HS6ST3: variants seen among roughly 807,000 people sequenced by gnomAD.
HS6ST3 encodes heparan sulfate 6-O-sulfotransferase 3.
Under a neutral mutation model 36.7 loss-of-function variants are expected in HS6ST3, and 12 were observed. The ratio of observed to expected loss-of-function variants is 0.33; its 90% CI spans 0.21 to 0.53. The LOEUF (loss-of-function observed/expected upper bound fraction) is 0.53. Among genes scored for constraint, HS6ST3 ranks in the 20% least tolerant of loss-of-function variants. HS6ST3 has a pLI of 0.95. For missense variants in HS6ST3, 584 were observed against 640.9 expected (o/e 0.91, Z 0.96); for synonymous variants, 240 against 257.5 (o/e 0.93, Z 0.65).
At chr13:96,520,671 G>A (rs1594798922) in intron 1 of HS6ST3, among the ~76,000 whole-genome samples, 1 of 152,344 alleles carries the variant, frequency 6.6e-6, no homozygotes, top group East Asian at 1.9e-4. Context: ...GTATAGGAAT[G>A]CTTGTGATTT....
intron 1 of HS6ST3, among the ~76,000 whole-genome samples, chr13:96,695,489 A>G (rs910668809): frequency 2.0e-5 from 3 of 152,086 alleles, no homozygotes; most frequent in African/African-American, 7.2e-5. Context: ...GTGCAGTGGC[A>G]TAATCATGAC....
At chr13:96,414,009 A>G (rs1481165464) in intron 1 of HS6ST3, among the ~76,000 whole-genome samples, 1 of 152,246 alleles carries the variant, frequency 6.6e-6, no homozygotes, top group Non-Finnish European at 1.5e-5. Flanking sequence ...ACTGGACAAT[A>G]GCCAAATTCC....
intron 1 of HS6ST3, among the ~76,000 whole-genome samples, chr13:96,192,869 C>T (rs180716765): frequency 1.3e-5 from 2 of 152,094 alleles, no homozygotes; most frequent in East Asian, 1.9e-4. Flanking sequence ...TGAGTATAAA[C>T]TTGGGAAAAA....
chr13:96,260,975 C>T (rs77890204), intron 1 of HS6ST3, among the ~76,000 whole-genome samples: 6 of 152,090 alleles, frequency 3.9e-5, no homozygotes, highest in African/African-American at 1.2e-4. Context: ...TTGCCTCTAA[C>T]GTTAACCCCC....
At chr13:96,635,920 T>C (rs1261712400) in intron 1 of HS6ST3, among the ~76,000 whole-genome samples, 1 of 152,104 alleles carries the variant, frequency 6.6e-6, no homozygotes, top group Non-Finnish European at 1.5e-5. Flanking sequence ...ACTCAGCCTA[T>C]GGGAATAAAG....
chr13:96,169,400 G>A (rs188879426), intron 1 of HS6ST3: 2 of 152,436 alleles, frequency 1.3e-5, no homozygotes, highest in Non-Finnish European at 2.9e-5. Context: ...ATAGAGTTAC[G>A]AGGCATAGAA....
intron 1 of HS6ST3, among the ~76,000 whole-genome samples, chr13:96,423,664 G>A (rs2055572054): frequency 6.6e-6 from 1 of 151,948 alleles, no homozygotes; most frequent in South Asian, 2.1e-4. Context: ...TTGAGAACCA[G>A]CCAGGAGGCC....
rs2054077743 is a variant in HS6ST3 at position 96,150,072 on chromosome 13, G to A, written c.707+58503G>A. Among the ~76,000 whole-genome samples, 6 of 152,264 alleles carry A rather than the reference G, an allele frequency of 3.9e-5. No individual in the cohort carries two copies. In the South Asian group the frequency reaches 1.2e-3, roughly 32 times the overall value. On this transcript the variant is annotated intron_variant, in intron 1 of 1. Coordinates refer to ENST00000376705, the MANE Select transcript of HS6ST3 (RefSeq NM_153456.4). Reference sequence around the variant, plus strand: ...TTGTTCCTGCCATCCGCAGCTTGGCGAGTTCCAGGTTCTTGTCCCACAACA... The same window carrying A: ...TTGTTCCTGCCATCCGCAGCTTGGCAAGTTCCAGGTTCTTGTCCCACAACA...
At chr13:96,454,200 G>A (rs1426571910) in intron 1 of HS6ST3, among the ~76,000 whole-genome samples, 1 of 152,092 alleles carries the variant, frequency 6.6e-6, no homozygotes, top group African/African-American at 2.4e-5. Context: ...TAAGGGTCTG[G>A]AATTTAGGGC....
intron 1 of HS6ST3, among the ~76,000 whole-genome samples, chr13:96,437,682 G>T (rs1423800307): frequency 6.6e-6 from 1 of 152,200 alleles, no homozygotes; most frequent in Non-Finnish European, 1.5e-5. Flanking sequence ...GAATACAAAG[G>T]TAGATTATTA....
intron 1 of HS6ST3, among the ~76,000 whole-genome samples, chr13:96,745,777 C>G (rs1876547078): frequency 6.6e-6 from 1 of 152,066 alleles, no homozygotes; most frequent in Non-Finnish European, 1.5e-5. Context: ...CTAGAGCTTT[C>G]TGCTTTGATT....
At chr13:96,370,060 A>G (rs1186534320) in intron 1 of HS6ST3, among the ~76,000 whole-genome samples, 1 of 152,116 alleles carries the variant, frequency 6.6e-6, no homozygotes, top group Non-Finnish European at 1.5e-5. Flanking sequence ...AATGATTTGT[A>G]ACCCTGGCTG....
chr13:96,274,175 A>G (rs1053178366), intron 1 of HS6ST3, among the ~76,000 whole-genome samples: 1 of 151,578 alleles, frequency 6.6e-6, no homozygotes, highest in East Asian at 1.9e-4. Context: ...GCACAGTGGT[A>G]TAAAATATGG....
chr13:96,249,905 A>G (rs547111262), intron 1 of HS6ST3, among the ~76,000 whole-genome samples: 39 of 152,196 alleles, frequency 2.6e-4, no homozygotes, highest in African/African-American at 8.9e-4. Flanking sequence ...ATTCCCAGAG[A>G]CAAAATGTAG....
At chr13:96,226,556 CATT>C (rs1487735555) in intron 1 of HS6ST3, among the ~76,000 whole-genome samples, 3 of 152,144 alleles carry the variant, frequency 2.0e-5, no homozygotes, top group African/African-American at 7.2e-5. Context: ...GAAATTAAGA[CATT>C]ATAATATCTT....
intron 1 of HS6ST3, among the ~76,000 whole-genome samples, chr13:96,800,515 T>C (rs1334708287): frequency 2.6e-5 from 4 of 152,090 alleles, no homozygotes; most frequent in African/African-American, 9.7e-5. Context: ...TGTGCTTGTA[T>C]CCCAAGGTCA....
intron 1 of HS6ST3, among the ~76,000 whole-genome samples, chr13:96,503,779 C>T (rs1576157): frequency 0.79 from 120,418 of 152,096 alleles, 49,432 homozygotes; most frequent in Non-Finnish European, 0.9. Context: ...AAAAACCATA[C>T]TGTCTTAGTC....
intron 1 of HS6ST3, among the ~76,000 whole-genome samples, chr13:96,742,049 C>T (rs1176027050): frequency 4.6e-5 from 7 of 152,036 alleles, no homozygotes; most frequent in Non-Finnish European, 8.8e-5. Context: ...ATGAACATCC[C>T]GTTGAGAGAG....
intron 1 of HS6ST3, among the ~76,000 whole-genome samples, chr13:96,217,490 C>T (rs1188404995): frequency 1.3e-5 from 2 of 152,124 alleles, no homozygotes; most frequent in African/African-American, 2.4e-5. Context: ...TCACTAAGGG[C>T]CTTACTTGTG....
Sources: gnomAD v4.1 joint callset for allele counts (sites outside exome capture counted in the v4.1 genomes callset) on GRCh38, gnomAD v4.1.1 for gene constraint, MANE v1.5 for transcripts, NCBI Gene and HGNC (gene_info 2026-07-23, HGNC 2026-07-21) for gene names.